Variants in COLGALT2 observed in about 807,000 individuals in gnomAD.
COLGALT2 encodes collagen beta(1-O)galactosyltransferase 2, also known as procollagen galactosyltransferase 2.
Under a neutral mutation model 73.4 loss-of-function variants are expected in COLGALT2, and 49 were observed. That is an observed-to-expected ratio of 0.67 (90% CI 0.53 to 0.85). The LOEUF (loss-of-function observed/expected upper bound fraction) is 0.85. Ranked by LOEUF, COLGALT2 falls within the 40% of genes least tolerant of loss-of-function variation. The pLI is 0.00. For synonymous variants in COLGALT2, 295 were observed against 307.6 expected (o/e 0.96, Z 0.43); for missense variants, 722 against 790.2 (o/e 0.91, Z 1.03).
intron 1 of COLGALT2, among the ~76,000 whole-genome samples, chr1:184,022,714 T>C (rs1412063969): frequency 6.6e-6 from 1 of 152,218 alleles, no homozygotes; most frequent in Admixed American, 6.5e-5. Context: ...TCAGATACTC[T>C]ATTACAAAGA....
Position 183,950,708 on chromosome 1 carries a change from C to CA in COLGALT2, c.1136+298dup, listed in dbSNP as rs143482569. ...AATTCTGAACACATTCCTTCTGTTA[C>CA]ACTACAGAAGGCTGAAAACCACCAC... On this transcript the variant is annotated intron_variant, in intron 8 of 11. Coordinates refer to ENST00000361927, the MANE Select transcript of COLGALT2 (RefSeq NM_015101.4). 3.3e-5 allele frequency among the ~76,000 whole-genome samples: 5 copies of CA among 152,262 alleles called. No individual in the cohort carries two copies. The East Asian group carries it at 9.6e-4, about 29-fold the overall frequency.
At chr1:183,939,181 A>G in intron 11 of COLGALT2, 144 bp from the exon 12 acceptor site, 2 of 634,302 alleles carry the variant, frequency 3.2e-6, no homozygotes, top group South Asian at 2.2e-5. Flanking sequence ...ACTTTAGCCT[A>G]CAAACACAAA....
chr1:183,978,908 T>C (rs1671278705), intron 1 of COLGALT2, among the ~76,000 whole-genome samples: 1 of 152,226 alleles, frequency 6.6e-6, no homozygotes, highest in Admixed American at 6.5e-5. Context: ...CTCCACCTTT[T>C]AACTTCATTA....
chr1:183,972,953 C>T (rs1031778694), intron 4 of COLGALT2, among the ~76,000 whole-genome samples: 3 of 152,200 alleles, frequency 2.0e-5, no homozygotes, highest in Non-Finnish European at 4.4e-5. Context: ...CCCGCCTTGG[C>T]CTCCCAAAGT....
At position 184,037,339 on chromosome 1, in the gene COLGALT2, C is replaced by G. The variant is rs1201306915; in HGVS notation, c.19G>C (p.Ala7Pro). The stretch of plus-strand genomic sequence containing the variant: ...AGCAGTAGCGACCAGGCGAGGGTGG[C>G]AGCAGGGCGCGCAGCCATGTTCCGG... MAARPA[A>P]TLAWSLLLLS... The change falls in exon 1 of 12, where the codon GCC becomes CCC. Residue 7 changes from alanine to proline, a missense_variant. Physicochemically the swap from Ala to Pro is conservative, Grantham distance 27. Coordinates refer to ENST00000361927, the MANE Select transcript of COLGALT2 (RefSeq NM_015101.4). The G allele has an allele frequency of 3.4e-6, 5 of 1,488,656 alleles. No individual in the cohort carries two copies. Among genetic ancestry groups the G allele is most frequent in the Non-Finnish European group, 4.5e-6 (5 of 1,118,882 alleles). The allele number at this position is 1,488,656 out of a possible 1,614,324, so 92.2% of individuals were successfully genotyped here. A position where few individuals can be genotyped will look rare whatever the true frequency, so the allele number is the denominator to read the frequency against.
intron 1 of COLGALT2, among the ~76,000 whole-genome samples, chr1:183,990,064 T>G (rs1270010529): frequency 6.6e-6 from 1 of 152,212 alleles, no homozygotes. Flanking sequence ...AGCCTACCAT[T>G]TTTTAAGAAT....
At position 183,936,752 on chromosome 1, in the gene COLGALT2, G is replaced by T; in HGVS notation, c.*2009C>A. 1 of 1,231,040 alleles carries T rather than the reference G, an allele frequency of 8.1e-7. No homozygotes were observed. The highest frequency in any genetic ancestry group is 1.0e-6 in the Non-Finnish European group (1 of 987,846). The allele number at this position is 1,231,040 out of a possible 1,614,324, so 76.3% of individuals were successfully genotyped here. A position where few individuals can be genotyped will look rare whatever the true frequency, so the allele number is the denominator to read the frequency against. On this transcript the variant is annotated 3_prime_UTR_variant, in exon 12 of 12. Transcript: ENST00000361927. ...GCTCTTTCTGTTTTTCTGGGGGTGG[G>T]TGGGAAAGGAAGTCACACTGACAGC...
chr1:183,993,876 C>T (rs576858163), intron 1 of COLGALT2, among the ~76,000 whole-genome samples: 2 of 152,090 alleles, frequency 1.3e-5, no homozygotes, highest in South Asian at 2.1e-4. Flanking sequence ...ACTCACTGAC[C>T]CAAGTTTCTT....
At chr1:184,001,575 T>G (rs2102839164) in intron 1 of COLGALT2, among the ~76,000 whole-genome samples, 1 of 152,326 alleles carries the variant, frequency 6.6e-6, no homozygotes, top group Non-Finnish European at 1.5e-5. Context: ...AACTCTATTT[T>G]CCAGTTTGTT....
chr1:183,975,229 A>ATAG lies in COLGALT2; in HGVS notation c.375-18_375-16dup. ...CAGGGTAAGACCTAAAATAATAATA[A>ATAG]TAGCTCATCATTATTGAGTGCCTAC... On this transcript the variant is annotated splice_polypyrimidine_tract_variant and intron_variant, in intron 2 of 11. Coordinates refer to ENST00000361927, the MANE Select transcript of COLGALT2 (RefSeq NM_015101.4). The ATAG allele has an allele frequency of 6.5e-7, 1 of 1,529,634 alleles. No individual in the cohort carries two copies. The highest frequency in any genetic ancestry group is 9.1e-7 in the Non-Finnish European group (1 of 1,104,400). 94.8% of individuals were successfully genotyped at this position (1,529,634 alleles called of 1,614,324 possible).
At chr1:183,934,678 A>G (rs765119002), downstream of COLGALT2, among the ~76,000 whole-genome samples, 10 of 152,214 alleles carry the variant, frequency 6.6e-5, no homozygotes, top group Non-Finnish European at 1.3e-4. Context: ...AGTTGGCAAG[A>G]ATGTCTCAAA....
At chr1:184,021,543 T>C (rs527391039) in intron 1 of COLGALT2, among the ~76,000 whole-genome samples, 19 of 152,254 alleles carry the variant, frequency 1.2e-4, no homozygotes, top group Admixed American at 8.5e-4. Context: ...TAGAATGATG[T>C]AGCAAAAAGG....
chr1:183,930,470 ACT>A (rs2102779490), intron 11 of COLGALT2, among the ~76,000 whole-genome samples: 1 of 150,872 alleles, frequency 6.6e-6, no homozygotes, highest in African/African-American at 2.4e-5. Context: ...CTCACTGCAG[ACT>A]CCGCTTCCTG....
chr1:183,977,542 T>C (rs1249803367), intron 2 of COLGALT2, among the ~76,000 whole-genome samples: 4 of 151,870 alleles, frequency 2.6e-5, no homozygotes, highest in African/African-American at 4.8e-5. Context: ...TCCCAGCACT[T>C]TGGAAGGCCA....
At chr1:183,931,641 C>T (rs1393546711), downstream of COLGALT2, among the ~76,000 whole-genome samples, 5 of 152,074 alleles carry the variant, frequency 3.3e-5, no homozygotes, top group East Asian at 1.9e-4. Context: ...GGATCAGCCT[C>T]CCTGTAAGCC....
chr1:183,996,982 G>C (rs1473033558), intron 1 of COLGALT2, among the ~76,000 whole-genome samples: 1 of 152,144 alleles, frequency 6.6e-6, no homozygotes, highest in Non-Finnish European at 1.5e-5. Flanking sequence ...ATACACATGA[G>C]GTGAATGAGT....
At chr1:183,962,756 G>A (rs889677935) in intron 6 of COLGALT2, among the ~76,000 whole-genome samples, 3 of 152,164 alleles carry the variant, frequency 2.0e-5, no homozygotes, top group African/African-American at 4.8e-5. Flanking sequence ...AGCAGCCACT[G>A]CCCATGCATC....
At chr1:184,028,488 C>T (rs1328829341) in intron 1 of COLGALT2, among the ~76,000 whole-genome samples, 1 of 152,206 alleles carries the variant, frequency 6.6e-6, no homozygotes. Flanking sequence ...GTCCTACTTC[C>T]CTCTTGGCAG....
At chr1:183,976,734 G>GA (rs1011178515) in intron 2 of COLGALT2, among the ~76,000 whole-genome samples, 71 of 151,838 alleles carry the variant, frequency 4.7e-4, no homozygotes, top group African/African-American at 1.6e-3. Flanking sequence ...AACTTATTTA[G>GA]AAAAAAAATA....
Sources: gnomAD v4.1 joint callset for allele counts (sites outside exome capture counted in the v4.1 genomes callset) on GRCh38, gnomAD v4.1.1 for gene constraint, MANE v1.5 for transcripts, NCBI Gene and HGNC (gene_info 2026-07-23, HGNC 2026-07-21) for gene names.